LRRC4C: variants seen among roughly 807,000 people sequenced by gnomAD.
LRRC4C encodes the protein leucine rich repeat containing 4C, also known as leucine-rich repeat-containing protein 4C.
Under a neutral mutation model 33.6 loss-of-function variants are expected in LRRC4C, and 5 were observed. The ratio of observed to expected loss-of-function variants is 0.15; its 90% CI spans 0.08 to 0.31. The LOEUF (loss-of-function observed/expected upper bound fraction) is 0.31, where lower values mean the gene tolerates loss of function less well. Ranked by LOEUF, LRRC4C falls within the 10% of genes least tolerant of loss-of-function variation. The probability of loss-of-function intolerance (pLI) is 1.00; values close to 1 mark genes in which losing one functional copy is unlikely to be tolerated. For missense variants in LRRC4C, 560 were observed against 796.7 expected (o/e 0.70, Z 3.58); for synonymous variants, 329 against 302.0 (o/e 1.09, Z -0.93).
At chr11:41,216,168 T>G (rs1461505856) in intron 1 of LRRC4C, among the ~76,000 whole-genome samples, 1 of 152,180 alleles carries the variant, frequency 6.6e-6, no homozygotes, top group East Asian at 1.9e-4. Context: ...GTTGCAACTG[T>G]TCATTTTAAA....
At chr11:40,654,389 C>T (rs977370676) in intron 2 of LRRC4C, among the ~76,000 whole-genome samples, 1 of 152,198 alleles carries the variant, frequency 6.6e-6, no homozygotes, top group African/African-American at 2.4e-5. Context: ...CATGAGAGCT[C>T]ACTTCTTGCA....
chr11:40,392,000 G>A (rs188542857), intron 3 of LRRC4C, among the ~76,000 whole-genome samples: 123 of 152,128 alleles, frequency 8.1e-4, no homozygotes, highest in Non-Finnish European at 1.5e-3. Flanking sequence ...GAAAATACAT[G>A]GATAAATCTT....
intron 3 of LRRC4C, among the ~76,000 whole-genome samples, chr11:40,459,607 C>A (rs1429812443): frequency 1.3e-5 from 2 of 152,192 alleles, no homozygotes; most frequent in African/African-American, 4.8e-5. Context: ...AAAGCCAATT[C>A]ATCCAGCCAG....
intron 2 of LRRC4C, among the ~76,000 whole-genome samples, chr11:40,895,135 A>C (rs1466707005): frequency 6.6e-6 from 1 of 152,158 alleles, no homozygotes; most frequent in Non-Finnish European, 1.5e-5. Context: ...AAGGAAAAAA[A>C]AATGTACTGA....
At chr11:40,407,984 A>G (rs1329343525) in intron 3 of LRRC4C, among the ~76,000 whole-genome samples, 2 of 152,048 alleles carry the variant, frequency 1.3e-5, no homozygotes, top group Non-Finnish European at 2.9e-5. Context: ...GATAGATTGC[A>G]GATAATTCAT....
intron 1 of LRRC4C, among the ~76,000 whole-genome samples, chr11:41,256,140 T>C (rs958249771): frequency 3.3e-5 from 5 of 151,990 alleles, no homozygotes; most frequent in Admixed American, 3.3e-4. Context: ...CTCTGTCTGT[T>C]TGTGTCTTTA....
chr11:40,818,557 C>A (rs1183358766), intron 2 of LRRC4C, among the ~76,000 whole-genome samples: 1 of 151,998 alleles, frequency 6.6e-6, no homozygotes, highest in Non-Finnish European at 1.5e-5. Context: ...CTCCTTTCTC[C>A]TATTTTTGTT....
chr11:40,927,048 C>T (rs567642408), intron 2 of LRRC4C, among the ~76,000 whole-genome samples: 48 of 152,230 alleles, frequency 3.2e-4, no homozygotes, highest in African/African-American at 1.0e-3. Context: ...TAAAATCTAG[C>T]TTATGTCTGT....
At chr11:40,692,621 G>T (rs1002518535) in intron 2 of LRRC4C, among the ~76,000 whole-genome samples, 10 of 152,084 alleles carry the variant, frequency 6.6e-5, no homozygotes, top group African/African-American at 2.2e-4. Flanking sequence ...GCCTTGAAAA[G>T]TTATCCTTGT....
At chr11:40,632,683 T>A (rs1449787131) in intron 3 of LRRC4C, among the ~76,000 whole-genome samples, 2 of 152,194 alleles carry the variant, frequency 1.3e-5, no homozygotes, top group Non-Finnish European at 2.9e-5. Context: ...ATGGAGGGCT[T>A]CCCATTACTG....
chr11:41,103,146 T>G (rs1377393743), intron 1 of LRRC4C, among the ~76,000 whole-genome samples: 1 of 151,982 alleles, frequency 6.6e-6, no homozygotes, highest in African/African-American at 2.4e-5. Context: ...CTTATATTTA[T>G]TTTCTTTTTG....
chr11:41,047,148 A>T (rs1408620649), intron 1 of LRRC4C, among the ~76,000 whole-genome samples: 2 of 152,218 alleles, frequency 1.3e-5, no homozygotes, highest in African/African-American at 4.8e-5. Flanking sequence ...AATATATATT[A>T]AAACAACCTC....
At chr11:40,569,071 A>C (rs957833709) in intron 3 of LRRC4C, among the ~76,000 whole-genome samples, 2 of 152,188 alleles carry the variant, frequency 1.3e-5, no homozygotes, top group African/African-American at 4.8e-5. Context: ...CACATGCTAA[A>C]CATTTTCTTA....
intron 1 of LRRC4C, among the ~76,000 whole-genome samples, chr11:41,373,210 C>CT (rs993894631): frequency 1.3e-5 from 2 of 151,838 alleles, no homozygotes; most frequent in African/African-American, 4.8e-5. Flanking sequence ...ATATTGTATC[C>CT]TTTTTTTCAG....
chr11:41,050,351 T>A (rs1858111790), intron 1 of LRRC4C, among the ~76,000 whole-genome samples: 1 of 152,136 alleles, frequency 6.6e-6, no homozygotes, highest in South Asian at 2.1e-4. Context: ...GTTACGTAGC[T>A]ATACATGGGT....
At chr11:40,554,736 C>CTTTT (rs34678892) in intron 3 of LRRC4C, among the ~76,000 whole-genome samples, 10 of 88,398 alleles carry the variant, frequency 1.1e-4, no homozygotes, top group Non-Finnish European at 1.5e-4. Context: ...GGATTGCATT[C>CTTTT]TTTTTTTTTT....
At chr11:41,161,249 T>A (rs1408845091) in intron 1 of LRRC4C, among the ~76,000 whole-genome samples, 2 of 152,140 alleles carry the variant, frequency 1.3e-5, no homozygotes, top group African/African-American at 4.8e-5. Context: ...ATATATACAA[T>A]GAAGATTAAC....
intron 3 of LRRC4C, among the ~76,000 whole-genome samples, chr11:40,343,416 C>A (rs976748619): frequency 6.6e-6 from 1 of 151,558 alleles, no homozygotes; most frequent in Admixed American, 6.6e-5. Flanking sequence ...TTTAGGTAAA[C>A]TTTAGGTCAT....
intron 1 of LRRC4C, among the ~76,000 whole-genome samples, chr11:41,154,429 C>A (rs543991485): frequency 1.3e-5 from 2 of 151,884 alleles, no homozygotes; most frequent in Admixed American, 1.3e-4. Flanking sequence ...TCATTGCTTA[C>A]GGAAAAGACC....
Sources: allele counts gnomAD v4.1 joint callset (sites outside exome capture counted in the v4.1 genomes callset), GRCh38; gene constraint gnomAD v4.1.1; transcripts MANE v1.5; gene names NCBI Gene and HGNC (gene_info 2026-07-23, HGNC 2026-07-21).